TMEM132D: variants seen among roughly 807,000 people sequenced by gnomAD.
TMEM132D encodes mature OL transmembrane protein.
TMEM132D carries 21 observed loss-of-function variants against 62.3 expected under a neutral mutation model. The ratio of observed to expected loss-of-function variants is 0.34; its 90% CI spans 0.24 to 0.49. The LOEUF is 0.49. TMEM132D is among the 20% of genes least tolerant of loss of function. The pLI, the probability that TMEM132D is intolerant of heterozygous loss-of-function variation, is 0.99. For synonymous variants in TMEM132D, 621 were observed against 575.6 expected (o/e 1.08, Z -1.13); for missense variants, 1,346 against 1,402.8 (o/e 0.96, Z 0.65).
At chr12:129,153,444 G>A (rs950380109) in intron 5 of TMEM132D, among the ~76,000 whole-genome samples, 9 of 151,974 alleles carry the variant, frequency 5.9e-5, no homozygotes, top group South Asian at 2.1e-4. Flanking sequence ...CTGTAATGCC[G>A]GGTCTCGGTG....
rs534847543 is a variant in TMEM132D at position 129,762,451 on chromosome 12, A to G, written c.80-61753T>C. On this transcript the variant is annotated intron_variant, in intron 1 of 8. Transcript: ENST00000422113. ...CAGCGAGCCCATCCGTGTGCAGACCATCATTCCCATGATGTTTCAAATCCC... is the reference window on the plus strand; with the variant it reads ...CAGCGAGCCCATCCGTGTGCAGACCGTCATTCCCATGATGTTTCAAATCCC... Among the ~76,000 whole-genome samples, 57 of 152,206 alleles carry G rather than the reference A, an allele frequency of 3.7e-4. 2 individuals carry two copies. In the South Asian group the frequency reaches 0.011, roughly 30 times the overall value.
At chr12:129,460,111 C>T (rs1343511838) in intron 3 of TMEM132D, among the ~76,000 whole-genome samples, 2 of 152,280 alleles carry the variant, frequency 1.3e-5, no homozygotes, top group Non-Finnish European at 2.9e-5. Context: ...CATAGTACGG[C>T]CACAACTACA....
rs71085577 is a variant in TMEM132D, at chr12:129,832,035, C to CT, written c.79+71225dup. Among the ~76,000 whole-genome samples the CT allele has an allele frequency of 7.1e-3, 667 of 94,094 alleles. 82 individuals are homozygous for CT. The highest frequency in any genetic ancestry group is 0.029 in the African/African-American group (572 of 19,562). The allele number at this position is 94,094 out of a possible 152,430, so 61.7% of individuals were successfully genotyped here. ...CAGGCACCTGCCACCATGCCCGGCT[C>CT]TTTTTTTTTTTTTTTTTTTTTTTTT... On this transcript the variant is annotated intron_variant, in intron 1 of 8. Coordinates refer to ENST00000422113, the MANE Select transcript of TMEM132D (RefSeq NM_133448.3).
chr12:129,783,371 G>A (rs185934786), intron 1 of TMEM132D, among the ~76,000 whole-genome samples: 1 of 152,296 alleles, frequency 6.6e-6, no homozygotes, highest in East Asian at 1.9e-4. Flanking sequence ...CAATAATATG[G>A]TTATAAATAT....
At chr12:129,742,031 T>A (rs1869626610) in intron 1 of TMEM132D, among the ~76,000 whole-genome samples, 1 of 152,284 alleles carries the variant, frequency 6.6e-6, no homozygotes, top group South Asian at 2.1e-4. Flanking sequence ...TGCAAAATAA[T>A]GGCCCCAAGT....
chr12:129,713,806 CA>C (rs1038637940), intron 1 of TMEM132D, among the ~76,000 whole-genome samples: 1 of 152,232 alleles, frequency 6.6e-6, no homozygotes, highest in African/African-American at 2.4e-5. Flanking sequence ...GGCTGGGCCC[CA>C]CCCCCAGAGC....
At chr12:129,320,605 T>G (rs1426348783) in intron 4 of TMEM132D, among the ~76,000 whole-genome samples, 1 of 152,180 alleles carries the variant, frequency 6.6e-6, no homozygotes, top group Non-Finnish European at 1.5e-5. Context: ...GTGTCTCATC[T>G]AAGAGCCAAA....
chr12:129,205,028 T>C (rs1248131785), intron 5 of TMEM132D, among the ~76,000 whole-genome samples: 1 of 152,220 alleles, frequency 6.6e-6, no homozygotes, highest in African/African-American at 2.4e-5. Context: ...AAAGGAGCAC[T>C]AAATATGGAA....
At chr12:129,133,766 C>A (rs1322423021) in intron 5 of TMEM132D, among the ~76,000 whole-genome samples, 3 of 152,236 alleles carry the variant, frequency 2.0e-5, no homozygotes, top group African/African-American at 4.8e-5. Flanking sequence ...TCAGGCCTCA[C>A]TTAGTGAAGT....
In TMEM132D at chr12:129,167,172, A is replaced by C. The variant is rs1419880523; in HGVS notation, c.1443+42348T>G. Among the ~76,000 whole-genome samples the C allele has an allele frequency of 9.3e-5, 4 of 43,220 alleles. No homozygotes were observed. The Admixed American group carries it at 9.6e-4, about 10-fold the overall frequency. The allele number at this position is 43,220 out of a possible 152,430, so 28.4% of individuals were successfully genotyped here. A position where few individuals can be genotyped will look rare whatever the true frequency, so the allele number is the denominator to read the frequency against. On this transcript the variant is annotated intron_variant, in intron 5 of 8. Transcript: ENST00000422113. The stretch of plus-strand genomic sequence containing the variant: ...GAGACTCTGTTTAAAAAAAAAAAAC[A>C]AAAAAAAAACCAGTGCCAACATGGG...
At chr12:129,389,969 A>T (rs1189892680) in intron 3 of TMEM132D, among the ~76,000 whole-genome samples, 2 of 152,172 alleles carry the variant, frequency 1.3e-5, no homozygotes, top group Non-Finnish European at 2.9e-5. Flanking sequence ...CCTTCATCGC[A>T]CTGACTCGTT....
chr12:129,850,406 G>T (rs1187696613), intron 1 of TMEM132D, among the ~76,000 whole-genome samples: 1 of 152,178 alleles, frequency 6.6e-6, no homozygotes, highest in African/African-American at 2.4e-5. Flanking sequence ...TTAGTTCCAA[G>T]TTCACGGGAA....
At chr12:129,336,625 A>T (rs1184365494) in intron 4 of TMEM132D, among the ~76,000 whole-genome samples, 1 of 152,132 alleles carries the variant, frequency 6.6e-6, no homozygotes, top group African/African-American at 2.4e-5. Flanking sequence ...GTGCTGTAGG[A>T]TGGGAAATGT....
rs776859944 is a variant in TMEM132D at position 129,074,575 on chromosome 12, CCTTT to C, written c.2596_2599del (p.Lys866AlafsTer6). On this transcript the variant is annotated frameshift_variant, in exon 9 of 9. Transcript: ENST00000422113. LOFTEE classifies it low-confidence loss of function (END_TRUNC). ...GTTGTCATCTAAAAGGCTTTCCTGGCCTTTCTTCTTCTGCAGGATGGACCTGTCT... is the reference window on the plus strand; with the variant it reads ...GTTGTCATCTAAAAGGCTTTCCTGGCCTTCTTCTGCAGGATGGACCTGTCT... 2 of 1,614,060 alleles carry C rather than the reference CCTTT, an allele frequency of 1.2e-6. No homozygotes were observed. Among genetic ancestry groups the C allele is most frequent in the Non-Finnish European group, 1.7e-6 (2 of 1,180,032 alleles).
At chr12:129,554,873 A>G (rs1226772052) in intron 2 of TMEM132D, among the ~76,000 whole-genome samples, 1 of 152,104 alleles carries the variant, frequency 6.6e-6, no homozygotes, top group Non-Finnish European at 1.5e-5. Context: ...TCAGGCCACA[A>G]AATGTTTCTG....
intron 4 of TMEM132D, among the ~76,000 whole-genome samples, chr12:129,258,557 T>C (rs1043524364): frequency 1.3e-5 from 2 of 152,206 alleles, no homozygotes; most frequent in Non-Finnish European, 2.9e-5. Context: ...CAAATTGACA[T>C]CTGTGAAGGG....
chr12:129,299,856 T>C (rs1205631361), intron 4 of TMEM132D, among the ~76,000 whole-genome samples: 1 of 152,220 alleles, frequency 6.6e-6, no homozygotes, highest in Non-Finnish European at 1.5e-5. Context: ...GTCTCTTCAA[T>C]GAACCATGCT....
At chr12:129,204,408 C>T (rs1435183678) in intron 5 of TMEM132D, among the ~76,000 whole-genome samples, 1 of 152,094 alleles carries the variant, frequency 6.6e-6, no homozygotes, top group Admixed American at 6.5e-5. Flanking sequence ...CAGAATAGAC[C>T]TAGCTGAAGA....
intron 3 of TMEM132D, among the ~76,000 whole-genome samples, chr12:129,504,395 T>A (rs1402845080): frequency 6.6e-6 from 1 of 152,178 alleles, no homozygotes; most frequent in East Asian, 1.9e-4. Flanking sequence ...TCTTGGTAAT[T>A]TTTTTATTAC....
Sources: allele counts gnomAD v4.1 joint callset (sites outside exome capture counted in the v4.1 genomes callset), GRCh38; gene constraint gnomAD v4.1.1; transcripts MANE v1.5; gene names NCBI Gene and HGNC (gene_info 2026-07-23, HGNC 2026-07-21).